The following TMEM135 variants were observed in gnomAD, a reference collection of about 807,000 sequenced individuals.
The protein encoded by TMEM135 is peroxisomal membrane protein 52.
A neutral mutation model predicts 60.3 loss-of-function variants in TMEM135; 30 were observed. The observed-to-expected ratio is 0.50, with a 90% CI of 0.37 to 0.68. The LOEUF (loss-of-function observed/expected upper bound fraction) is 0.68. Ranked by LOEUF, TMEM135 falls within the 30% of genes least tolerant of loss-of-function variation. The probability of loss-of-function intolerance (pLI) is 0.00; values close to 1 mark genes in which losing one functional copy is unlikely to be tolerated. For missense variants in TMEM135, 468 were observed against 548.8 expected (o/e 0.85, Z 1.47); for synonymous variants, 190 against 186.7 (o/e 1.02, Z -0.14).
chr11:87,167,228 A>G (rs1018379112), intron 5 of TMEM135, among the ~76,000 whole-genome samples: 2 of 152,192 alleles, frequency 1.3e-5, no homozygotes, highest in Non-Finnish European at 2.9e-5. Context: ...GGTTTTCTAA[A>G]TATACAATTA....
intron 4 of TMEM135, among the ~76,000 whole-genome samples, chr11:87,139,260 A>G (rs933339572): frequency 2.0e-5 from 3 of 152,092 alleles, no homozygotes; most frequent in African/African-American, 7.2e-5. Flanking sequence ...TTTGGGTGGG[A>G]CTGGGGAGGA....
intron 5 of TMEM135, among the ~76,000 whole-genome samples, chr11:87,184,236 T>C (rs1012405260): frequency 2.0e-5 from 3 of 152,184 alleles, no homozygotes; most frequent in African/African-American, 7.2e-5. Context: ...GGTATATGAA[T>C]ATCACATATT....
chr11:87,193,072 A>G (rs1939852721), intron 5 of TMEM135, among the ~76,000 whole-genome samples: 1 of 152,108 alleles, frequency 6.6e-6, no homozygotes, highest in African/African-American at 2.4e-5. Context: ...CTGAGATTGC[A>G]CCACTGCACT....
In TMEM135 at chr11:87,323,678, T is replaced by C. The variant is rs984907887; in HGVS notation, c.*2345T>C. 6.6e-6 allele frequency: 3 copies of C among 453,020 alleles called. No homozygotes were observed. The highest frequency in any genetic ancestry group is 4.0e-5 in the African/African-American group (2 of 49,954). The allele number at this position is 453,020 out of a possible 1,614,324, so 28.1% of individuals were successfully genotyped here. A position where few individuals can be genotyped will look rare whatever the true frequency, so the allele number is the denominator to read the frequency against. On this transcript the variant is annotated 3_prime_UTR_variant, in exon 15 of 15. Coordinates refer to ENST00000305494, the MANE Select transcript of TMEM135 (RefSeq NM_022918.4). ...CCGTGCATTTGGGGCAGTGGTATTA[T>C]GGTCATTTCGTTGCTATTTTCTGTT...
chr11:87,274,378 T>C (rs1941929085), intron 6 of TMEM135, among the ~76,000 whole-genome samples: 1 of 152,194 alleles, frequency 6.6e-6, no homozygotes, highest in South Asian at 2.1e-4. Flanking sequence ...CTCTGCCCTC[T>C]TCCCTCAAAT....
rs1200390358 is a variant in TMEM135, at chr11:87,328,681, T to C, written c.*7348T>C. 2.2e-6 allele frequency: 1 copy of C among 454,074 alleles called. No homozygotes were observed. Among genetic ancestry groups the C allele is most frequent in the South Asian group, 1.6e-5 (1 of 64,476 alleles). 28.1% of individuals were successfully genotyped at this position (454,074 alleles called of 1,614,324 possible). Reference sequence around the variant, plus strand: ...GCTGCAAAAGACATTATTTCATCTTTTATTTTTTATGGCTGAGTAGTATTC... The same window carrying C: ...GCTGCAAAAGACATTATTTCATCTTCTATTTTTTATGGCTGAGTAGTATTC... On this transcript the variant is annotated 3_prime_UTR_variant, in exon 15 of 15. Coordinates refer to ENST00000305494, the MANE Select transcript of TMEM135 (RefSeq NM_022918.4).
intron 6 of TMEM135, chr11:87,259,154 A>G (rs1941592054): frequency 1.6e-6 from 1 of 644,998 alleles, no homozygotes; most frequent in Non-Finnish European, 2.8e-6. Flanking sequence ...ACCAGGTCTC[A>G]TCTAGCTTCT....
At chr11:87,168,721 C>T (rs770410198) in intron 5 of TMEM135, among the ~76,000 whole-genome samples, 2 of 152,074 alleles carry the variant, frequency 1.3e-5, no homozygotes, top group African/African-American at 2.4e-5. Context: ...TGTTTTACTT[C>T]TAATTATCTG....
intron 4 of TMEM135, chr11:87,095,018 C>T: frequency 5.5e-6 from 1 of 180,746 alleles, no homozygotes; most frequent in Non-Finnish European, 1.2e-5. Context: ...CATGTTGTTC[C>T]CGGGGGTGTT....
chr11:87,114,556 G>C (rs1047904161), intron 4 of TMEM135, among the ~76,000 whole-genome samples: 9 of 152,134 alleles, frequency 5.9e-5, no homozygotes, highest in South Asian at 2.1e-4. Flanking sequence ...TACTTGTAGA[G>C]CAGTACAGTT....
intron 5 of TMEM135, among the ~76,000 whole-genome samples, chr11:87,226,017 G>C (rs1258137296): frequency 1.3e-5 from 2 of 151,626 alleles, no homozygotes; most frequent in Admixed American, 1.3e-4. Context: ...CTCTCCCATG[G>C]CTCCTTTTAG....
chr11:87,117,710 C>T (rs1329245145), intron 4 of TMEM135, among the ~76,000 whole-genome samples: 1 of 152,128 alleles, frequency 6.6e-6, no homozygotes, highest in Non-Finnish European at 1.5e-5. Flanking sequence ...GGTCTTGAAC[C>T]CCTCTACGTC....
At chr11:87,153,985 A>G (rs1287890470) in intron 4 of TMEM135, among the ~76,000 whole-genome samples, 2 of 152,202 alleles carry the variant, frequency 1.3e-5, no homozygotes, top group Non-Finnish European at 2.9e-5. Flanking sequence ...TAAAATATAT[A>G]CAATGTTAAG....
intron 6 of TMEM135, among the ~76,000 whole-genome samples, chr11:87,241,970 G>A (rs926527555): frequency 2.0e-5 from 3 of 151,972 alleles, no homozygotes; most frequent in Admixed American, 1.3e-4. Flanking sequence ...TTGTCGTATA[G>A]CATTAGGAGA....
At chr11:87,234,082 ATCTT>A (rs2135370775) in intron 5 of TMEM135, among the ~76,000 whole-genome samples, 1 of 152,160 alleles carries the variant, frequency 6.6e-6, no homozygotes, top group South Asian at 2.1e-4. Flanking sequence ...TTAAGTTCCC[ATCTT>A]TCTTGATAAA....
intron 6 of TMEM135, among the ~76,000 whole-genome samples, chr11:87,285,060 AT>A (rs955664082): frequency 4.2e-4 from 64 of 152,344 alleles, no homozygotes; most frequent in African/African-American, 1.5e-3. Flanking sequence ...AATATTGAAC[AT>A]TTTTCAAAAC....
At chr11:87,161,651 CAGAG>C (rs1417490505) in intron 5 of TMEM135, among the ~76,000 whole-genome samples, 19 of 152,134 alleles carry the variant, frequency 1.2e-4, no homozygotes, top group Non-Finnish European at 2.8e-4. Flanking sequence ...ACAGCAGTGA[CAGAG>C]AGTCACTGAG....
intron 6 of TMEM135, among the ~76,000 whole-genome samples, chr11:87,276,717 G>A (rs1941974224): frequency 7.2e-6 from 1 of 139,818 alleles, no homozygotes; most frequent in Non-Finnish European, 1.5e-5. Flanking sequence ...CACCCAGGCT[G>A]TATCGCGGTA....
chr11:87,170,032 C>CACACGTTATTTTTTTAA (rs147009946), intron 5 of TMEM135, among the ~76,000 whole-genome samples: 1 of 150,752 alleles, frequency 6.6e-6, no homozygotes, highest in Non-Finnish European at 1.5e-5. Context: ...ATCTTGTCTT[C>CACACGTTATTTTTTTAA]GTTGATCTTC....
Sources: allele counts gnomAD v4.1 joint callset (sites outside exome capture counted in the v4.1 genomes callset), GRCh38; gene constraint gnomAD v4.1.1; transcripts MANE v1.5; gene names NCBI Gene and HGNC (gene_info 2026-07-23, HGNC 2026-07-21).